SLC45A4: variants seen among roughly 807,000 people sequenced by gnomAD.
The protein encoded by SLC45A4 is polyamine-transporter SLC45A4.
In SLC45A4, 32 loss-of-function variants were observed where a neutral mutation model predicts 63.7. The ratio of observed to expected loss-of-function variants is 0.50; its 90% CI spans 0.38 to 0.67. The LOEUF is 0.67. SLC45A4 is among the 30% of genes least tolerant of loss of function. The pLI is 0.00. For missense variants in SLC45A4, 1,027 were observed against 1,157.7 expected, an observed-to-expected ratio of 0.89 and a Z score of 1.64; for synonymous variants, 535 against 510.0, an observed-to-expected ratio of 1.05 and a Z score of -0.66.
In SLC45A4 at chr8:141,222,290, T is replaced by A. The variant is rs879838188; in HGVS notation, c.242-525A>T. Among the ~76,000 whole-genome samples, 12 of 152,286 alleles carry A rather than the reference T, an allele frequency of 7.9e-5. No homozygotes were observed. The East Asian group carries it at 1.9e-3, about 24-fold the overall frequency. ...GACCTCACTGGCTGAAAATGTACCA[T>A]GGAGGGTCCTGCAGAGGGTCCCCAC... On this transcript the variant is annotated intron_variant, in intron 2 of 8. Transcript: ENST00000517878.
At chr8:141,290,230 C>CT (rs1202920226) in intron 1 of SLC45A4, among the ~76,000 whole-genome samples, 4 of 152,088 alleles carry the variant, frequency 2.6e-5, no homozygotes, top group Non-Finnish European at 5.9e-5. Flanking sequence ...TGGTGCACAT[C>CT]TGGCTGTGAG....
chr8:141,304,423 G>T lies in SLC45A4; in HGVS notation c.-401+3673C>A, dbSNP rs548677587. Among the ~76,000 whole-genome samples the T allele has an allele frequency of 2.6e-5, 4 of 152,216 alleles. No individual in the cohort carries two copies. In the East Asian group the frequency reaches 7.7e-4, roughly 29 times the overall value. ...AAAATACAAAAATTATCTGGGCATG[G>T]TGATGTGCACCTGTAGTCCTAGCTA... On this transcript the variant is annotated intron_variant, in intron 1 of 8. Coordinates refer to ENST00000517878, the MANE Select transcript of SLC45A4 (RefSeq NM_001286646.2).
Position 141,218,953 on chromosome 8 carries a change from G to C in SLC45A4, c.687C>G (p.Thr229=), listed in dbSNP as rs376089219. 30 of 1,613,564 alleles carry C rather than the reference G, an allele frequency of 1.9e-5. No homozygotes were observed. The highest frequency in any genetic ancestry group is 2.7e-5 in the African/African-American group (2 of 74,926). The change falls in exon 5 of 9, where the codon ACC becomes ACG. Residue 229 remains threonine (T), a synonymous_variant. Coordinates refer to ENST00000517878, the MANE Select transcript of SLC45A4 (RefSeq NM_001286646.2). Reference sequence around the variant, plus strand: ...CAAAGAAGAAGAGCACCTGGTTCTGGGTCCGGAACCAGCTGCCCAGGAAGG... The same window carrying C: ...CAAAGAAGAAGAGCACCTGGTTCTGCGTCCGGAACCAGCTGCCCAGGAAGG... ...TQTFLGSWFR[T]QNQVLFFFAA...
At chr8:141,211,848 T>C (rs1054814509) in intron 8 of SLC45A4, 151 bp from the exon 9 acceptor site, 3 of 1,303,682 alleles carry the variant, frequency 2.3e-6, no homozygotes, top group Non-Finnish European at 2.0e-6. Context: ...AAGTTGCTTA[T>C]TGTCTATATA....
At chr8:141,263,818 G>C (rs955541101) in intron 1 of SLC45A4, among the ~76,000 whole-genome samples, 3 of 150,966 alleles carry the variant, frequency 2.0e-5, no homozygotes, top group African/African-American at 7.3e-5. Flanking sequence ...GAGAGAGAAA[G>C]AAAGAAAATA....
intron 1 of SLC45A4, among the ~76,000 whole-genome samples, chr8:141,266,963 C>G (rs1341262560): frequency 1.3e-5 from 2 of 152,232 alleles, no homozygotes; most frequent in African/African-American, 2.4e-5. Context: ...CCTGGTCTGG[C>G]AAGCTGTCTT....
intron 1 of SLC45A4, among the ~76,000 whole-genome samples, chr8:141,276,127 C>T (rs1829719409): frequency 6.6e-6 from 1 of 152,078 alleles, no homozygotes; most frequent in African/African-American, 2.4e-5. Context: ...GTCTTGAACT[C>T]CTGGGCTTAA....
intron 2 of SLC45A4, among the ~76,000 whole-genome samples, chr8:141,244,114 G>C (rs1305126345): frequency 6.6e-6 from 1 of 152,158 alleles, no homozygotes; most frequent in African/African-American, 2.4e-5. Context: ...TTGGGAGACT[G>C]CGCCCCTATT....
At chr8:141,259,386 C>T (rs1828955741) in intron 1 of SLC45A4, among the ~76,000 whole-genome samples, 1 of 152,242 alleles carries the variant, frequency 6.6e-6, no homozygotes, top group African/African-American at 2.4e-5. Context: ...CAGAACCATG[C>T]CTGGGCAGTG....
intron 1 of SLC45A4, among the ~76,000 whole-genome samples, chr8:141,266,624 G>A (rs1315827002): frequency 2.0e-5 from 3 of 152,202 alleles, no homozygotes; most frequent in Non-Finnish European, 2.9e-5. Flanking sequence ...GGAAGAAGAC[G>A]ACAAGCCACA....
chr8:141,213,708 C>A (rs925368362), intron 7 of SLC45A4, among the ~76,000 whole-genome samples: 1 of 152,168 alleles, frequency 6.6e-6, no homozygotes, highest in South Asian at 2.1e-4. Flanking sequence ...CGCAAGCACG[C>A]GGACACGTGG....
chr8:141,247,762 T>A (rs1474173024), intron 2 of SLC45A4, among the ~76,000 whole-genome samples: 1 of 152,076 alleles, frequency 6.6e-6, no homozygotes, highest in African/African-American at 2.4e-5. Flanking sequence ...AGATGCCCCA[T>A]AAAACTACAG....
At chr8:141,219,112 CA>C in intron 4 of SLC45A4, 83 bp from the exon 5 acceptor site, 1 of 1,494,476 alleles carries the variant, frequency 6.7e-7, no homozygotes, top group Non-Finnish European at 9.0e-7. Flanking sequence ...CTCCCTCTAA[CA>C]GGGGGCCGGG....
chr8:141,269,695 CTGTGTCTGTG>C (rs373710019), intron 1 of SLC45A4, among the ~76,000 whole-genome samples: 4,100 of 151,436 alleles, frequency 0.027, 186 homozygotes, highest in African/African-American at 0.092. Flanking sequence ...GTATGTGTGT[CTGTGTCTGTG>C]TGTGTCTGTC....
intron 2 of SLC45A4, among the ~76,000 whole-genome samples, chr8:141,246,931 C>T (rs915119491): frequency 1.3e-5 from 2 of 152,018 alleles, no homozygotes; most frequent in Non-Finnish European, 2.9e-5. Flanking sequence ...CCAGCCTGGG[C>T]AACACAGTGA....
Position 141,227,260 on chromosome 8 carries a change from C to T in SLC45A4, c.242-5495G>A, listed in dbSNP as rs1000530686. 2.0e-5 allele frequency among the ~76,000 whole-genome samples: 3 copies of T among 151,916 alleles called. No homozygotes were observed. The highest frequency in any genetic ancestry group is 4.4e-5 in the Non-Finnish European group (3 of 67,994). On this transcript the variant is annotated intron_variant, in intron 2 of 8. Coordinates refer to ENST00000517878, the MANE Select transcript of SLC45A4 (RefSeq NM_001286646.2). This position sits in a 1 kb window ranked among gnomAD's most constrained non-coding sequence, Gnocchi z 4.4. ...CGGGCGACGCTCGGGTCACGTGTGG[C>T]GGCTCCTGTTCACAGTGCCGTGTGT...
chr8:141,234,962 G>A (rs1330716728), intron 2 of SLC45A4, among the ~76,000 whole-genome samples: 1 of 152,218 alleles, frequency 6.6e-6, no homozygotes, highest in Non-Finnish European at 1.5e-5. Context: ...GCGCTGGTCT[G>A]CCTTCCCCGA....
chr8:141,301,947 G>A (rs1330810724), intron 1 of SLC45A4, among the ~76,000 whole-genome samples: 1 of 151,702 alleles, frequency 6.6e-6, no homozygotes, highest in Non-Finnish European at 1.5e-5. Context: ...GGGTGACAGA[G>A]GGAAACACTG....
At chr8:141,276,980 C>T (rs35094621) in intron 1 of SLC45A4, among the ~76,000 whole-genome samples, 42,760 of 152,168 alleles carry the variant, frequency 0.28, 6,175 homozygotes, top group East Asian at 0.49. Flanking sequence ...ATCGGATGGC[C>T]GCCTGTGAGC....
Sources: gnomAD v4.1 joint callset for allele counts (sites outside exome capture counted in the v4.1 genomes callset) on GRCh38, gnomAD v4.1.1 for gene constraint, Gnocchi (gnomAD v3.1) non-coding constraint, MANE v1.5 for transcripts, NCBI Gene and HGNC (gene_info 2026-07-23, HGNC 2026-07-21) for gene names.